MDC1: variants seen among roughly 807,000 people sequenced by gnomAD.
MDC1 encodes the protein mediator of DNA damage checkpoint 1.
In MDC1, 81 loss-of-function variants were observed where a neutral mutation model predicts 142.5. That is an observed-to-expected ratio of 0.57 (90% confidence interval 0.47 to 0.68). MDC1 has a LOEUF of 0.68. Among genes scored for constraint, MDC1 ranks in the 30% least tolerant of loss-of-function variants. The pLI is 0.00. For synonymous variants in MDC1, 797 were observed against 968.4 expected (o/e 0.82, Z 3.29); for missense variants, 2,119 against 2,547.9 (o/e 0.83, Z 3.62).
At chr6:30,710,669 T>C (rs1339502245) in intron 7 of MDC1, among the ~76,000 whole-genome samples, 2 of 152,140 alleles carry the variant, frequency 1.3e-5, no homozygotes, top group African/African-American at 4.8e-5. Flanking sequence ...AGTGTTGGGA[T>C]TAGAGGTGTG....
Position 30,704,962 on chromosome 6 carries a change from A to T in MDC1, c.4221T>A (p.Leu1407=). The T allele has an allele frequency of 6.2e-7, 1 of 1,605,258 alleles. No individual in the cohort carries two copies. The highest frequency in any genetic ancestry group is 1.1e-5 in the South Asian group (1 of 90,298). The change falls in exon 10 of 15, where the codon CTT becomes CTA. Residue 1407 remains leucine (L), a synonymous_variant. Coordinates refer to ENST00000376406, the MANE Select transcript of MDC1 (RefSeq NM_014641.3). ...NRSSGKTPET[L]VPTAPKLEPS... ...GCTCGAGCTTAGGGGCTGTGGGGACAAGTGTTTCAGGGGTCTTGCCAGAGG... is the reference window on the plus strand; with the variant it reads ...GCTCGAGCTTAGGGGCTGTGGGGACTAGTGTTTCAGGGGTCTTGCCAGAGG...
intron 9 of MDC1, among the ~76,000 whole-genome samples, chr6:30,707,036 A>T (rs1424115357): frequency 6.6e-6 from 1 of 152,136 alleles, no homozygotes; most frequent in African/African-American, 2.4e-5. Flanking sequence ...CCTCCATTAG[A>T]CTGGGATCTA....
Position 30,711,679 on chromosome 6 carries a change from G to A in MDC1, c.2116C>T (p.Gln706Ter). The A allele has an allele frequency of 6.2e-7, 1 of 1,612,968 alleles. No individual in the cohort carries two copies. The highest frequency in any genetic ancestry group is 2.2e-5 in the East Asian group (1 of 44,880). ...CAGAAGTCCTCACCTTCCAGGCCCT[G>A]ATTCTCCAGAAAGCACTGGGTAGCT... ...LQATQCFLENQGLEAVQSMED... is the reference protein window; with the variant it reads ...LQATQCFLEN Residue 706 changes from glutamine (Q) to a stop codon, truncating the protein, a stop_gained, in exon 6 of 15, where the codon CAG becomes TAG. Transcript: ENST00000376406. LOFTEE classifies it high-confidence loss of function.
chr6:30,704,558 G>A lies in MDC1; in HGVS notation c.4625C>T (p.Ser1542Phe), dbSNP rs373909353. Residue 1542 changes from serine to phenylalanine, a missense_variant, in exon 10 of 15, where the codon TCC becomes TTC. Ser to Phe is a radical substitution (Grantham distance 155). Coordinates refer to ENST00000376406, the MANE Select transcript of MDC1 (RefSeq NM_014641.3). ...PAAPELQPSTSTDQPVTPEPT... is the reference protein window; with the variant it reads ...PAAPELQPSTFTDQPVTPEPT... ...CTCAGGGGTGACAGGTTGGTCTGTG[G>A]AGGTGGAAGGCTGGAGCTCAGGGGC... The A allele has an allele frequency of 7.3e-5, 118 of 1,608,530 alleles. No homozygotes were observed. The highest frequency in any genetic ancestry group is 9.6e-5 in the Non-Finnish European group (113 of 1,177,222).
rs763872837 is a variant in MDC1, at chr6:30,712,397, G to A, written c.1545C>T (p.Ala515=). The change falls in exon 5 of 15, where the codon GCC becomes GCT. Residue 515 remains alanine (A), a synonymous_variant. Coordinates refer to ENST00000376406, the MANE Select transcript of MDC1 (RefSeq NM_014641.3). This position sits in a 1 kb window ranked among gnomAD's most constrained non-coding sequence, Gnocchi z 4.7. ...SPGIHLERSQ[A]STTVDINTQV... ...GTGTGTTGATGTCCACTGTGGTGGAGGCTTGGCTTCTCTCCAGGTGGATCC... is the reference window on the plus strand; with the variant it reads ...GTGTGTTGATGTCCACTGTGGTGGAAGCTTGGCTTCTCTCCAGGTGGATCC... The A allele has an allele frequency of 5.0e-6, 8 of 1,613,120 alleles. No individual in the cohort carries two copies. In the South Asian group the frequency reaches 8.8e-5, roughly 18 times the overall value.
rs1470802147 is a variant in MDC1 at position 30,703,455 on chromosome 6, C to T, written c.5645G>A (p.Arg1882Gln). The stretch of plus-strand genomic sequence containing the variant: ...TGATTCTTGGTTAAGTTTGGTCCGT[C>T]GGAGGCTGCGGCTTGGTATTCTGTT... ...EPNRIPSRSL[R>Q]RTKLNQESTA... Residue 1882 changes from arginine to glutamine, a missense_variant, in exon 11 of 15, where the codon CGA (arginine) becomes CAA (glutamine). Arg to Gln is a conservative substitution (Grantham distance 43). Transcript: ENST00000376406. The surrounding 1 kb of genome is among the most constrained non-coding windows in gnomAD (Gnocchi z 4.4). 1.2e-5 allele frequency: 20 copies of T among 1,613,884 alleles called. No homozygotes were observed. The highest frequency in any genetic ancestry group is 3.3e-5 in the Admixed American group (2 of 59,998).
Position 30,707,796 on chromosome 6 carries a change from C to T in MDC1, c.2783G>A (p.Cys928Tyr). Residue 928 changes from cysteine to tyrosine, a missense_variant, in exon 8 of 15, where the codon TGC (cysteine) becomes TAC (tyrosine). By Grantham distance (194) the Cys-to-Tyr change is radical. Coordinates refer to ENST00000376406, the MANE Select transcript of MDC1 (RefSeq NM_014641.3). ...CTTCTCTTCTAACTCGGCTGGATCG[C>T]ACTCTCTGTTTGCTACTGGTCTCTC... ...EVERPVANRECDPAELEEKVP... is the reference protein window; with the variant it reads ...EVERPVANREYDPAELEEKVP... The T allele has an allele frequency of 6.2e-7, 1 of 1,613,082 alleles. No individual in the cohort carries two copies. The highest frequency in any genetic ancestry group is 8.5e-7 in the Non-Finnish European group (1 of 1,180,034).
intron 2 of MDC1, 67 bp downstream of exon 2, chr6:30,714,973 C>A (rs559873659): frequency 1.9e-6 from 3 of 1,563,198 alleles, no homozygotes; most frequent in East Asian, 4.5e-5. Flanking sequence ...TTCTTGCAAC[C>A]CTCCAAATAC....
rs1455290810 is a variant in MDC1, at chr6:30,702,796, GGCTAAA to G, written c.5941_5946del (p.Phe1981_Ser1982del). 6.2e-7 allele frequency: 1 copy of G among 1,613,148 alleles called. No individual in the cohort carries two copies. Among genetic ancestry groups the G allele is most frequent in the Admixed American group, 1.7e-5 (1 of 60,024 alleles). On this transcript the variant is annotated inframe_deletion, in exon 13 of 15. Transcript: ENST00000376406. ...CGAGCCCTGCTCAGTGCGTCTTGAA[GGCTAAA>G]GCCAAAGTTCTTCTCTTGCTCAGGG... is the stretch of plus-strand genomic sequence containing the variant.
At position 30,714,110 on chromosome 6, in the gene MDC1, A is replaced by G. The variant is rs753184210; in HGVS notation, c.210T>C (p.Ser70=). ...CAATCTCTGCATGTTGTTTGGAGAT[A>G]GATGGAAAGGGCAGGGCCACAGAGC... ...PDCSVALPFP[S]ISKQHAEIEI... Residue 70 remains serine (S), a synonymous_variant, in exon 3 of 15, where the codon TCT becomes TCC. Coordinates refer to ENST00000376406, the MANE Select transcript of MDC1 (RefSeq NM_014641.3). 5 of 1,612,578 alleles carry G rather than the reference A, an allele frequency of 3.1e-6. No homozygotes were observed. In the South Asian group the frequency reaches 3.3e-5, roughly 11 times the overall value.
At position 30,713,572 on chromosome 6, in the gene MDC1, CT is replaced by C; in HGVS notation, c.587+75del. On this transcript the variant is annotated intron_variant, in intron 4 of 14. Transcript: ENST00000376406. This position sits in a 1 kb window ranked among gnomAD's most constrained non-coding sequence, Gnocchi z 4.9. ...GCCCCAACTCTCATGATAATCATCT[CT>C]TTTAGAGATTGATCCTCCAGCCCCT... The C allele has an allele frequency of 6.8e-7, 1 of 1,468,772 alleles. No individual in the cohort carries two copies. Among genetic ancestry groups the C allele is most frequent in the Non-Finnish European group, 9.4e-7 (1 of 1,066,714 alleles). 91.0% of individuals were successfully genotyped at this position (1,468,772 alleles called of 1,614,324 possible).
In MDC1 at chr6:30,715,355, G is replaced by A. The variant is rs888199214; in HGVS notation, c.-3-177C>T. On this transcript the variant is annotated intron_variant, in intron 1 of 14. Transcript: ENST00000376406. This position sits in a 1 kb window ranked among gnomAD's most constrained non-coding sequence, Gnocchi z 4.1. ...CACTTAAAACATTTTTTTCTTTTTT[G>A]TGATGGAGTCTCGTTCTGCTCCCCA... Among the ~76,000 whole-genome samples, 5 of 151,214 alleles carry A rather than the reference G, an allele frequency of 3.3e-5. No homozygotes were observed. The highest frequency in any genetic ancestry group is 1.2e-4 in the African/African-American group (5 of 41,154).
Position 30,709,474 on chromosome 6 carries a change from T to C in MDC1, c.2222-1117A>G, listed in dbSNP as rs183114610. ...ATGTACAATGATAAAACCAAGATAA[T>C]TGGGATATCCACTATCTCAAACATT... On this transcript the variant is annotated intron_variant, in intron 7 of 14. Transcript: ENST00000376406. This position sits in a 1 kb window ranked among gnomAD's most constrained non-coding sequence, Gnocchi z 4.2. Among the ~76,000 whole-genome samples the C allele has an allele frequency of 1.7e-4, 26 of 152,370 alleles. 3 individuals carry two copies. Among genetic ancestry groups the C allele is most frequent in the East Asian group, 1.3e-3 (7 of 5,196 alleles).
In MDC1 at chr6:30,712,622, G is replaced by A. The variant is rs753590149; in HGVS notation, c.1320C>T (p.Val440=). Residue 440 remains valine (V), a synonymous_variant, in exon 5 of 15, where the codon GTC becomes GTT. Transcript: ENST00000376406. This position sits in a 1 kb window ranked among gnomAD's most constrained non-coding sequence, Gnocchi z 4.7. ...TGGTGGTTTGGCTTCGCTGCAGAAG[G>A]ACCACACGTTGGGGCATGTCCTCTT... ...DAEEDMPQRV[V]LLQRSQTTTE... 6.2e-7 allele frequency: 1 copy of A among 1,612,822 alleles called. No homozygotes were observed. The highest frequency in any genetic ancestry group is 8.5e-7 in the Non-Finnish European group (1 of 1,179,906).
At chr6:30,708,389 GAGAGGGAGAGAAA>G (rs1282281114) in intron 7 of MDC1, 32 bp from the exon 8 acceptor site, 7 of 1,563,234 alleles carry the variant, frequency 4.5e-6, no homozygotes, top group African/African-American at 1.4e-5. Flanking sequence ...GAGAGAGAGG[GAGAGGGAGAGAAA>G]AGAGGGAGAG....
At position 30,713,113 on chromosome 6, in the gene MDC1, C is replaced by T. The variant is rs1431411009; in HGVS notation, c.829G>A (p.Gly277Ser). 5.6e-6 allele frequency: 9 copies of T among 1,613,064 alleles called. No homozygotes were observed. The South Asian group carries it at 7.7e-5, about 14-fold the overall frequency. Residue 277 changes from glycine (G) to serine (S), a missense_variant, in exon 5 of 15, where the codon GGT (glycine) becomes AGT (serine). Physicochemically the swap from Gly to Ser is moderately conservative, Grantham distance 56 (BLOSUM62 0). Transcript: ENST00000376406. This position sits in a 1 kb window ranked among gnomAD's most constrained non-coding sequence, Gnocchi z 4.9. ...ERDNDTKVKR[G>S]AGNGVVPAGV... ...GCTGGAACCACCCCATTCCCTGCAC[C>T]CCTCTTGACTTTTGTATCATTGTCC...
At chr6:30,706,752 G>A (rs908509378) in intron 9 of MDC1, among the ~76,000 whole-genome samples, 4 of 150,630 alleles carry the variant, frequency 2.7e-5, no homozygotes, top group Non-Finnish European at 4.4e-5. Flanking sequence ...AGCCAAGATC[G>A]CGCCACTGCA....
Position 30,703,489 on chromosome 6 carries a change from C to T in MDC1, c.5611G>A (p.Glu1871Lys), listed in dbSNP as rs1269596297. The change falls in exon 11 of 15, where the codon GAG (glutamate) becomes AAG (lysine). Residue 1871 changes from glutamate to lysine, a missense_variant. Transcript: ENST00000376406. This position sits in a 1 kb window ranked among gnomAD's most constrained non-coding sequence, Gnocchi z 4.4. ...CGGCTTGGTATTCTGTTGGGCTCCT[C>T]CTCTGCCTGGTCTCTCTTTCTCTTG... Reference protein sequence around the residue: ...PGKRKRDQAEEEPNRIPSRSL... With the variant: ...PGKRKRDQAEKEPNRIPSRSL... 10 of 1,613,744 alleles carry T rather than the reference C, an allele frequency of 6.2e-6. No homozygotes were observed. Among genetic ancestry groups the T allele is most frequent in the African/African-American group, 1.3e-5 (1 of 74,908 alleles).
At chr6:30,714,941 T>C (rs1775452345) in intron 2 of MDC1, 99 bp downstream of exon 2, 7 of 1,389,354 alleles carry the variant, frequency 5.0e-6, no homozygotes, top group Non-Finnish European at 6.9e-6. Context: ...AAAATTCACA[T>C]CTCATTGAAA....
Sources: allele counts gnomAD v4.1 joint callset (sites outside exome capture counted in the v4.1 genomes callset), GRCh38; gene constraint gnomAD v4.1.1; non-coding constraint Gnocchi (gnomAD v3.1); transcripts MANE v1.5; gene names NCBI Gene and HGNC (gene_info 2026-07-23, HGNC 2026-07-21).